The following PPARGC1A variants were observed in gnomAD, a reference collection of about 807,000 sequenced individuals.
The protein encoded by PPARGC1A is peroxisome proliferator-activated receptor gamma coactivator 1-alpha.
PPARGC1A carries 25 observed loss-of-function variants against 88.7 expected under a neutral mutation model. The observed-to-expected ratio is 0.28, with a 90% confidence interval of 0.21 to 0.39. The LOEUF is 0.39. Among genes scored for constraint, PPARGC1A ranks in the 10% least tolerant of loss-of-function variants. The pLI, the probability that PPARGC1A is intolerant of heterozygous loss-of-function variation, is 1.00. For synonymous variants in PPARGC1A, 363 were observed against 355.6 expected (o/e 1.02, Z -0.24); for missense variants, 880 against 968.7 (o/e 0.91, Z 1.22).
the PPARGC1A span, among the ~76,000 whole-genome samples, chr4:24,235,185 G>A: frequency 1.3e-5 from 2 of 152,168 alleles, no homozygotes; most frequent in East Asian, 1.9e-4. Flanking sequence ...TAAATCCTAG[G>A]GGGGTGGTGA....
At chr4:23,997,424 A>C in the PPARGC1A span, among the ~76,000 whole-genome samples, 14 of 152,152 alleles carry the variant, frequency 9.2e-5, no homozygotes, top group African/African-American at 3.4e-4. Context: ...TCTCTGTAGC[A>C]AAAGCAACTG....
chr4:24,448,168 C>T, the PPARGC1A span, among the ~76,000 whole-genome samples: 2 of 152,314 alleles, frequency 1.3e-5, no homozygotes, highest in African/African-American at 2.4e-5. Context: ...TATCATTGCT[C>T]CACACTTTAC....
the PPARGC1A span, among the ~76,000 whole-genome samples, chr4:23,998,510 G>C: frequency 6.6e-6 from 1 of 152,070 alleles, no homozygotes; most frequent in African/African-American, 2.4e-5. Context: ...AGAGAGTAAA[G>C]TAAGAGCTAT....
the PPARGC1A span, among the ~76,000 whole-genome samples, chr4:24,315,915 A>T: frequency 3.3e-5 from 5 of 152,212 alleles, no homozygotes; most frequent in Non-Finnish European, 7.3e-5. Flanking sequence ...TAAAGGTTCT[A>T]TTCTAGATCC....
chr4:24,323,896 T>C, the PPARGC1A span, among the ~76,000 whole-genome samples: 1 of 152,204 alleles, frequency 6.6e-6, no homozygotes, highest in Non-Finnish European at 1.5e-5. Context: ...CTTCTCCAGC[T>C]TCCCTCACTA....
chr4:23,971,013 G>A, the PPARGC1A span, among the ~76,000 whole-genome samples: 2 of 152,078 alleles, frequency 1.3e-5, no homozygotes, highest in East Asian at 3.9e-4. Context: ...GTACTCCCAT[G>A]CCCACCGCAT....
chr4:23,976,450 TTGA>T, the PPARGC1A span, among the ~76,000 whole-genome samples: 1 of 152,232 alleles, frequency 6.6e-6, no homozygotes, highest in Non-Finnish European at 1.5e-5. Flanking sequence ...CCAAAAAAGT[TTGA>T]TGATATCTTT....
the PPARGC1A span, among the ~76,000 whole-genome samples, chr4:24,461,940 G>A: frequency 1.4e-5 from 2 of 147,870 alleles, no homozygotes; most frequent in Admixed American, 6.7e-5. Context: ...CCACAGCACC[G>A]CTATCTCCTC....
At chr4:24,111,245 G>A in the PPARGC1A span, among the ~76,000 whole-genome samples, 1 of 151,888 alleles carries the variant, frequency 6.6e-6, no homozygotes, top group Non-Finnish European at 1.5e-5. Flanking sequence ...TCAGTGTTGT[G>A]TATATTGACT....
At chr4:24,124,994 A>G in the PPARGC1A span, among the ~76,000 whole-genome samples, 2 of 152,184 alleles carry the variant, frequency 1.3e-5, no homozygotes, top group Non-Finnish European at 2.9e-5. Flanking sequence ...TGAATGTAAG[A>G]AAACATGGGA....
chr4:24,384,575 A>AG, the PPARGC1A span, among the ~76,000 whole-genome samples: 4 of 151,570 alleles, frequency 2.6e-5, no homozygotes, highest in Admixed American at 2.0e-4. Flanking sequence ...AAAAAAAAAA[A>AG]AAGCAAGGGT....
chr4:24,040,994 T>C, the PPARGC1A span, among the ~76,000 whole-genome samples: 1 of 152,226 alleles, frequency 6.6e-6, no homozygotes, highest in African/African-American at 2.4e-5. Context: ...ATTTCTAAAC[T>C]GCTCAAGTTA....
the PPARGC1A span, among the ~76,000 whole-genome samples, chr4:24,307,719 G>A: frequency 5.3e-5 from 8 of 152,282 alleles, no homozygotes; most frequent in South Asian, 4.1e-4. Context: ...GATCTGGTTC[G>A]GAAGATGAAG....
the PPARGC1A span, among the ~76,000 whole-genome samples, chr4:24,337,189 C>A: frequency 9.2e-5 from 14 of 152,110 alleles, no homozygotes; most frequent in Non-Finnish European, 2.1e-4. Context: ...GTGAAACAGG[C>A]AAAAAATTGG....
the PPARGC1A span, among the ~76,000 whole-genome samples, chr4:24,247,956 A>C: frequency 1.3e-5 from 2 of 152,060 alleles, no homozygotes; most frequent in Non-Finnish European, 2.9e-5. Context: ...CTGGGCACAG[A>C]GTTTCCCTTC....
chr4:24,229,045 G>C, the PPARGC1A span, among the ~76,000 whole-genome samples: 1 of 152,000 alleles, frequency 6.6e-6, no homozygotes, highest in African/African-American at 2.4e-5. Context: ...CTCAACCTTG[G>C]CTGCACATTG....
At chr4:24,304,956 G>A in the PPARGC1A span, among the ~76,000 whole-genome samples, 57,898 of 151,526 alleles carry the variant, frequency 0.38, 11,656 homozygotes, top group African/African-American at 0.51. Context: ...CAAACCCCGC[G>A]CCAGGTATGA....
chr4:24,057,459 A>G, the PPARGC1A span, among the ~76,000 whole-genome samples: 1 of 69,194 alleles, frequency 1.4e-5, no homozygotes, highest in Admixed American at 1.6e-4. Flanking sequence ...GATGGTTTAA[A>G]AAAAAAAAAA....
the PPARGC1A span, among the ~76,000 whole-genome samples, chr4:24,387,830 AAGAGAGAAAG>A: frequency 1.8e-4 from 17 of 96,610 alleles, no homozygotes; most frequent in East Asian, 1.7e-3. Flanking sequence ...GAAAGAGAGA[AAGAGAGAAAG>A]AGAGAGAGAA....
Sources: allele counts gnomAD v4.1 joint callset (sites outside exome capture counted in the v4.1 genomes callset), GRCh38; gene constraint gnomAD v4.1.1; transcripts MANE v1.5; gene names NCBI Gene and HGNC (gene_info 2026-07-23, HGNC 2026-07-21).